Variants in FFAR4 observed in about 807,000 individuals in gnomAD.
FFAR4 encodes G-protein coupled receptor 120.
A neutral mutation model predicts 27.0 loss-of-function variants in FFAR4; 19 were observed. That is an observed-to-expected ratio of 0.70 (90% CI 0.49 to 1.03). FFAR4 has a LOEUF of 1.03. Ranked by LOEUF, FFAR4 falls within the 50% of genes least tolerant of loss-of-function variation. FFAR4 has a pLI of 0.00. For missense variants in FFAR4, 476 were observed against 479.0 expected, an observed-to-expected ratio of 0.99 and a Z score of 0.06; for synonymous variants, 254 against 215.6, an observed-to-expected ratio of 1.18 and a Z score of -1.56.
At chr10:93,582,108 C>G (rs914155928) in intron 2 of FFAR4, among the ~76,000 whole-genome samples, 2 of 152,162 alleles carry the variant, frequency 1.3e-5, no homozygotes, top group African/African-American at 4.8e-5. Flanking sequence ...AATCCTGGAT[C>G]AATGTTAATT....
intron 1 of FFAR4, among the ~76,000 whole-genome samples, chr10:93,569,107 T>A (rs193083867): frequency 6.6e-5 from 10 of 152,334 alleles, no homozygotes; most frequent in Non-Finnish European, 1.0e-4. Flanking sequence ...TTGATTTTTT[T>A]AAAAGTTATT....
chr10:93,587,665 A>G lies in FFAR4; in HGVS notation c.*56A>G. 6.5e-7 allele frequency: 1 copy of G among 1,542,152 alleles called. No homozygotes were observed. Reference sequence around the variant, plus strand: ...GGCGAGCTGTGGCATGCTTTTAAACAGAGTTCATTTCCAGTACCCTCCATC... The same window carrying G: ...GGCGAGCTGTGGCATGCTTTTAAACGGAGTTCATTTCCAGTACCCTCCATC... On this transcript the variant is annotated 3_prime_UTR_variant, in exon 3 of 3. Coordinates refer to ENST00000371481, the MANE Select transcript of FFAR4 (RefSeq NM_001195755.2).
chr10:93,569,847 T>C (rs2058121857), intron 1 of FFAR4, among the ~76,000 whole-genome samples: 1 of 151,116 alleles, frequency 6.6e-6, no homozygotes, highest in Admixed American at 6.6e-5. Flanking sequence ...TCACTTGAGG[T>C]CAGGAATTGG....
At position 93,566,889 on chromosome 10, in the gene FFAR4, G is replaced by A. The variant is rs2058099612; in HGVS notation, c.169G>A (p.Gly57Ser). 1.2e-6 allele frequency: 2 copies of A among 1,605,490 alleles called. No homozygotes were observed. Among genetic ancestry groups the A allele is most frequent in the African/African-American group, 2.7e-5 (2 of 74,674 alleles). Residue 57 changes from glycine (G) to serine (S), a missense_variant, in exon 1 of 3, where the codon GGC becomes AGC. Gly to Ser is a moderately conservative substitution (Grantham distance 56). Coordinates refer to ENST00000371481, the MANE Select transcript of FFAR4 (RefSeq NM_001195755.2). The stretch of plus-strand genomic sequence containing the variant: ...GCTCATCTTTGCAGTGTCGCTGCTG[G>A]GCAACGTGTGCGCCCTGGTGCTGGT... ...LVLIFAVSLL[G>S]NVCALVLVAR...
Position 93,587,744 on chromosome 10 carries a change from G to T in FFAR4, c.*135G>T. Reference sequence around the variant, plus strand: ...TATGCAAATAGACATCCACAGCGTCGGTAAATTAAGGGGTGATCACCAAGT... The same window carrying T: ...TATGCAAATAGACATCCACAGCGTCTGTAAATTAAGGGGTGATCACCAAGT... On this transcript the variant is annotated 3_prime_UTR_variant, in exon 3 of 3. Transcript: ENST00000371481. The T allele has an allele frequency of 1.2e-6, 1 of 819,332 alleles. No homozygotes were observed. Among genetic ancestry groups the T allele is most frequent in the Non-Finnish European group, 1.9e-6 (1 of 520,506 alleles). The allele number at this position is 819,332 out of a possible 1,614,324, so 50.8% of individuals were successfully genotyped here.
chr10:93,572,928 T>C (rs2058140365), intron 1 of FFAR4, among the ~76,000 whole-genome samples: 1 of 152,158 alleles, frequency 6.6e-6, no homozygotes, highest in East Asian at 1.9e-4. Context: ...CAGAACACAT[T>C]TGGGGGATCC....
chr10:93,576,056 C>T, intron 1 of FFAR4, 35 bp from the exon 2 acceptor site: 1 of 1,610,788 alleles, frequency 6.2e-7, no homozygotes, highest in African/African-American at 1.3e-5. Flanking sequence ...AAGAAGCCAG[C>T]ATTTACATGA....
chr10:93,567,265 A>G lies in FFAR4; in HGVS notation c.545A>G (p.Gln182Arg). 6.2e-7 allele frequency: 1 copy of G among 1,600,034 alleles called. No individual in the cohort carries two copies. The highest frequency in any genetic ancestry group is 8.5e-7 in the Non-Finnish European group (1 of 1,179,632). The change falls in exon 1 of 3, where the codon CAA becomes CGA. Residue 182 changes from glutamine to arginine, a missense_variant. Transcript: ENST00000371481. ...PLCVFFRVVP[Q>R]RLPGADQEIS... ...TGCGTCTTCTTCCGAGTCGTCCCGC[A>G]ACGGCTCCCCGGCGCCGACCAGGTG...
intron 1 of FFAR4, among the ~76,000 whole-genome samples, chr10:93,575,395 G>A (rs917394274): frequency 6.6e-6 from 1 of 152,242 alleles, no homozygotes; most frequent in African/African-American, 2.4e-5. Context: ...AGTTCTTGCA[G>A]TTAGTGTTAA....
rs2058240519 is a variant in FFAR4, at chr10:93,588,100, A to G, written c.*491A>G. 6.6e-6 allele frequency: 1 copy of G among 152,530 alleles called. No homozygotes were observed. Among genetic ancestry groups the G allele is most frequent in the Admixed American group, 6.5e-5 (1 of 15,336 alleles). The allele number at this position is 152,530 out of a possible 1,614,324, so 9.4% of individuals were successfully genotyped here. A position where few individuals can be genotyped will look rare whatever the true frequency, so the allele number is the denominator to read the frequency against. On this transcript the variant is annotated 3_prime_UTR_variant, in exon 3 of 3. Coordinates refer to ENST00000371481, the MANE Select transcript of FFAR4 (RefSeq NM_001195755.2). ...GAGTGAAACTCCATCTTAAAAAAAA[A>G]AAAAAAAAGATTTGTTATGGGTTCC... is the stretch of plus-strand genomic sequence containing the variant.
intron 1 of FFAR4, among the ~76,000 whole-genome samples, chr10:93,574,893 G>T (rs1193179859): frequency 1.3e-5 from 2 of 152,096 alleles, no homozygotes; most frequent in Admixed American, 6.6e-5. Flanking sequence ...GTGAGACTCT[G>T]TCTCAAAGAA....
chr10:93,567,145 A>C lies in FFAR4; in HGVS notation c.425A>C (p.His142Pro). 3.7e-6 allele frequency: 6 copies of C among 1,606,378 alleles called. No individual in the cohort carries two copies. Among genetic ancestry groups the C allele is most frequent in the Non-Finnish European group, 5.1e-6 (6 of 1,178,444 alleles). The change falls in exon 1 of 3, where the codon CAC becomes CCC. Residue 142 changes from histidine to proline, a missense_variant. His to Pro is a moderately conservative substitution (Grantham distance 77). Transcript: ENST00000371481. Reference protein sequence around the residue: ...VSLERMVCIVHLQRGVRGPGR... With the variant: ...VSLERMVCIVPLQRGVRGPGR... ...CTGGAGCGCATGGTGTGCATCGTGC[A>C]CCTGCAGCGCGGCGTGCGGGGTCCT...
At chr10:93,572,969 C>A (rs1302199374) in intron 1 of FFAR4, among the ~76,000 whole-genome samples, 1 of 152,192 alleles carries the variant, frequency 6.6e-6, no homozygotes, top group East Asian at 1.9e-4. Flanking sequence ...CTGTGAGTGG[C>A]CTCCCAATTT....
At chr10:93,569,210 A>T in intron 1 of FFAR4, among the ~76,000 whole-genome samples, 1 of 152,224 alleles carries the variant, frequency 6.6e-6, no homozygotes, top group East Asian at 1.9e-4. Flanking sequence ...ATGTTCAGGG[A>T]ATGAAAGACC....
intron 2 of FFAR4, chr10:93,579,315 C>T (rs1462243681): frequency 2.8e-5 from 26 of 920,814 alleles, no homozygotes; most frequent in Non-Finnish European, 4.2e-5. Context: ...GCCGTTCTCA[C>T]CTTCATATTT....
intron 2 of FFAR4, among the ~76,000 whole-genome samples, chr10:93,585,415 T>A (rs1339740838): frequency 1.3e-5 from 2 of 152,240 alleles, no homozygotes; most frequent in Non-Finnish European, 2.9e-5. Context: ...TCACCAGCAG[T>A]GCTCTGACAA....
rs79393394 is a variant in FFAR4, at chr10:93,581,260, G to A, written c.696+5041G>A. Among the ~76,000 whole-genome samples, 7 of 152,338 alleles carry A rather than the reference G, an allele frequency of 4.6e-5. No individual in the cohort carries two copies. The East Asian group carries it at 1.3e-3, about 29-fold the overall frequency. On this transcript the variant is annotated intron_variant, in intron 2 of 2. Transcript: ENST00000371481. ...AAACTGAGAAACAAAATCTGTTTCC[G>A]CTGAACATGAGGGTGTTAGACAGTG...
intron 2 of FFAR4, among the ~76,000 whole-genome samples, chr10:93,578,952 C>G (rs1285830891): frequency 6.6e-6 from 1 of 152,178 alleles, no homozygotes; most frequent in Non-Finnish European, 1.5e-5. Context: ...TCACTCGTAC[C>G]TCACGCTTCT....
At chr10:93,579,169 ACCT>A in intron 2 of FFAR4, 1 of 1,614,036 alleles carries the variant, frequency 6.2e-7, no homozygotes, top group Non-Finnish European at 8.5e-7. Flanking sequence ...ACCTCGGAAC[ACCT>A]CCTGGATGCA....
Sources: gnomAD v4.1 joint callset for allele counts (sites outside exome capture counted in the v4.1 genomes callset) on GRCh38, gnomAD v4.1.1 for gene constraint, MANE v1.5 for transcripts, NCBI Gene and HGNC (gene_info 2026-07-23, HGNC 2026-07-21) for gene names.